The following LRP10 variants were observed in gnomAD, a reference collection of about 807,000 sequenced individuals.
LRP10 encodes low-density lipoprotein receptor-related protein 10.
In LRP10, 42 loss-of-function variants were observed where a neutral mutation model predicts 58.5. The observed-to-expected ratio is 0.72, with a 90% CI of 0.56 to 0.93. The LOEUF is 0.93. LRP10 is among the 40% of genes least tolerant of loss of function. The probability of loss-of-function intolerance (pLI) is 0.00; values close to 1 mark genes in which losing one functional copy is unlikely to be tolerated. For missense variants in LRP10, 872 were observed against 940.1 expected (o/e 0.93, Z 0.95); for synonymous variants, 377 against 388.5 (o/e 0.97, Z 0.35).
chr14:22,873,556 C>G (rs535872587), intron 3 of LRP10, 110 bp downstream of exon 3: 1 of 1,345,934 alleles, frequency 7.4e-7, no homozygotes, highest in South Asian at 1.5e-5. Flanking sequence ...CGGAGTTTCA[C>G]TCTTGTCACC....
Position 22,877,383 on chromosome 14 carries a change from G to C in LRP10, c.1998G>C (p.Leu666=). ...TGCGAGGCCGCCTGTTGCCCAGCCT[G>C]GGGCCCCCAGGACCAACCCGGAGCC... ...QALRGRLLPS[L]GPPGPTRSPP... is the part of the protein sequence containing the mutation. The change falls in exon 7 of 7, where the codon CTG becomes CTC. Residue 666 remains leucine, a synonymous_variant. Coordinates refer to ENST00000359591, the MANE Select transcript of LRP10 (RefSeq NM_014045.5). The surrounding 1 kb of genome is among the most constrained non-coding windows in gnomAD (Gnocchi z 5.1). 1 of 1,613,686 alleles carries C rather than the reference G, an allele frequency of 6.2e-7. No individual in the cohort carries two copies. Among genetic ancestry groups the C allele is most frequent in the Non-Finnish European group, 8.5e-7 (1 of 1,179,836 alleles).
At chr14:22,872,569 C>G (rs749854035) in intron 1 of LRP10, among the ~76,000 whole-genome samples, 169 bp from the exon 2 acceptor site, 2 of 151,914 alleles carry the variant, frequency 1.3e-5, no homozygotes, top group Admixed American at 6.6e-5. Flanking sequence ...GGCCCTGCTG[C>G]CGGACCTTCC....
rs1310361722 is a variant in LRP10 at position 22,878,245 on chromosome 14, A to G, written c.*718A>G. On this transcript the variant is annotated 3_prime_UTR_variant, in exon 7 of 7. Transcript: ENST00000359591. ...TGCACTCTTGATTTTTATACCACAC[A>G]GAAGGTAAGAAAATTCTAGGAACCC... The G allele has an allele frequency of 6.6e-6, 1 of 152,184 alleles. No homozygotes were observed. Among genetic ancestry groups the G allele is most frequent in the Non-Finnish European group, 1.5e-5 (1 of 68,068 alleles). 9.4% of individuals were successfully genotyped at this position (152,184 alleles called of 1,614,324 possible). A position where few individuals can be genotyped will look rare whatever the true frequency, so the allele number is the denominator to read the frequency against.
At chr14:22,876,492 A>C in intron 5 of LRP10, 120 bp downstream of exon 5, 2 of 1,376,844 alleles carry the variant, frequency 1.5e-6, no homozygotes, top group Non-Finnish European at 2.0e-6. Context: ...TCAGCTTGTC[A>C]GTTGTGTCCT....
At position 22,875,672 on chromosome 14, in the gene LRP10, G is replaced by A. The variant is rs759537307; in HGVS notation, c.724G>A (p.Gly242Ser). Residue 242 changes from glycine (G) to serine (S), a missense_variant, in exon 5 of 7, where the codon GGC becomes AGC. Coordinates refer to ENST00000359591, the MANE Select transcript of LRP10 (RefSeq NM_014045.5). ...LAVRFTALDL[G>S]FGDAVHVYDG... ...CGTGCGCTTCACAGCCCTGGACTTG[G>A]GCTTTGGAGATGCAGTGCATGTGTA... is the stretch of plus-strand genomic sequence containing the variant. 6.2e-7 allele frequency: 1 copy of A among 1,614,008 alleles called. No individual in the cohort carries two copies. The highest frequency in any genetic ancestry group is 8.5e-7 in the Non-Finnish European group (1 of 1,180,032).
Position 22,878,531 on chromosome 14 carries a change from CAG to C in LRP10, c.*1006_*1007del, listed in dbSNP as rs1397500348. 5 of 153,036 alleles carry C rather than the reference CAG, an allele frequency of 3.3e-5. No homozygotes were observed. The highest frequency in any genetic ancestry group is 1.2e-4 in the African/African-American group (5 of 41,432). The allele number at this position is 153,036 out of a possible 1,614,324, so 9.5% of individuals were successfully genotyped here. On this transcript the variant is annotated 3_prime_UTR_variant, in exon 7 of 7. Transcript: ENST00000359591. Reference sequence around the variant, plus strand: ...ATTTAGCAGTCTGTCCTATGCAAGACAGATGAATTCTCAGCCAGGATACCTCA... The same window carrying C: ...ATTTAGCAGTCTGTCCTATGCAAGACATGAATTCTCAGCCAGGATACCTCA...
At position 22,879,479 on chromosome 14, in the gene LRP10, C is replaced by T; in HGVS notation, c.*1952C>T. The stretch of plus-strand genomic sequence containing the variant: ...GCCTCTCCATAGCCTGGTCTTTTGC[C>T]CTCTCCTTTGCTCTTCTCTTCCCCC... On this transcript the variant is annotated 3_prime_UTR_variant, in exon 7 of 7. Coordinates refer to ENST00000359591, the MANE Select transcript of LRP10 (RefSeq NM_014045.5). 2 of 248,584 alleles carry T rather than the reference C, an allele frequency of 8.0e-6. No individual in the cohort carries two copies. The highest frequency in any genetic ancestry group is 8.3e-5 in the East Asian group (1 of 11,998). The allele number at this position is 248,584 out of a possible 1,614,324, so 15.4% of individuals were successfully genotyped here. A position where few individuals can be genotyped will look rare whatever the true frequency, so the allele number is the denominator to read the frequency against.
chr14:22,872,368 C>T, intron 1 of LRP10, 31 bp downstream of exon 1: 1 of 1,613,822 alleles, frequency 6.2e-7, no homozygotes. Flanking sequence ...AACCCCCAGC[C>T]TTCTGTCACC....
In LRP10 at chr14:22,875,936, C is replaced by T. The variant is rs750750000; in HGVS notation, c.988C>T (p.Arg330Cys). 2.0e-5 allele frequency: 33 copies of T among 1,613,590 alleles called. No individual in the cohort carries two copies. The highest frequency in any genetic ancestry group is 1.6e-4 in the Middle Eastern group (1 of 6,078). Residue 330 changes from arginine (R) to cysteine (C), a missense_variant, in exon 5 of 7, where the codon CGC becomes TGC. By Grantham distance (180) the Arg-to-Cys change is radical (BLOSUM62 -3). Transcript: ENST00000359591. The part of the protein sequence containing the change: ...GLGAGEGLGE[R>C]CYSEAQRCDG... ...GGGAGCTGGCGAAGGCCTAGGTGAG[C>T]GCTGCTACAGTGAGGCACAGCGCTG...
chr14:22,874,437 TACA>T (rs1187131647), intron 3 of LRP10, among the ~76,000 whole-genome samples: 3 of 152,304 alleles, frequency 2.0e-5, no homozygotes, highest in Non-Finnish European at 2.9e-5. Flanking sequence ...GTGACAGTGC[TACA>T]ACAACTGGAA....
In LRP10 at chr14:22,875,856, A is replaced by G. The variant is rs1566493227; in HGVS notation, c.908A>G (p.His303Arg). 1 of 1,613,966 alleles carries G rather than the reference A, an allele frequency of 6.2e-7. No homozygotes were observed. The highest frequency in any genetic ancestry group is 1.1e-5 in the South Asian group (1 of 91,086). Residue 303 changes from histidine to arginine, a missense_variant, in exon 5 of 7, where the codon CAT (histidine) becomes CGT (arginine). By Grantham distance (29) the His-to-Arg change is conservative. Transcript: ENST00000359591. The stretch of plus-strand genomic sequence containing the variant: ...GGTCGTGGCTTCAATGCCACCTACC[A>G]TGTGCGGGGCTATTGCTTGCCTTGG... ...SNGRGFNATY[H>R]VRGYCLPWDR...
chr14:22,881,699 A>G lies in LRP10; in HGVS notation c.*4172A>G, dbSNP rs1320735243. 6.6e-6 allele frequency: 1 copy of G among 152,250 alleles called. No individual in the cohort carries two copies. Among genetic ancestry groups the G allele is most frequent in the Admixed American group, 6.5e-5 (1 of 15,282 alleles). 9.4% of individuals were successfully genotyped at this position (152,250 alleles called of 1,614,324 possible). A position where few individuals can be genotyped will look rare whatever the true frequency, so the allele number is the denominator to read the frequency against. ...ACACGTTAAAATTGTGAATAAAAGT[A>G]AGTAAAAAGTAAAAGTAAGTAGGCC... On this transcript the variant is annotated 3_prime_UTR_variant, in exon 7 of 7. Coordinates refer to ENST00000359591, the MANE Select transcript of LRP10 (RefSeq NM_014045.5).
Position 22,879,050 on chromosome 14 carries a change from C to A in LRP10, c.*1523C>A. On this transcript the variant is annotated 3_prime_UTR_variant, in exon 7 of 7. Transcript: ENST00000359591. ...CAGGCTCTCCTTGTCTAGCCCCACA[C>A]CTGGCAGAGCCTGTCACCCAGCCTA... 1 of 376,878 alleles carries A rather than the reference C, an allele frequency of 2.7e-6. No homozygotes were observed. The highest frequency in any genetic ancestry group is 1.9e-5 in the South Asian group (1 of 54,004). The allele number at this position is 376,878 out of a possible 1,614,324, so 23.3% of individuals were successfully genotyped here.
intron 5 of LRP10, 116 bp from the exon 6 acceptor site, chr14:22,876,573 C>T (rs1021694887): frequency 6.8e-7 from 1 of 1,460,640 alleles, no homozygotes; most frequent in Non-Finnish European, 9.3e-7. Context: ...TTGGGAAAGC[C>T]ATGGCACAGC....
Position 22,879,625 on chromosome 14 carries a change from G to A in LRP10, c.*2098G>A, listed in dbSNP as rs1334850518. ...TTAAGGTAAACCTGCTCCTCATGGT[G>A]GAATGCTTCCAAATGCTGGAAGGAG... On this transcript the variant is annotated 3_prime_UTR_variant, in exon 7 of 7. Transcript: ENST00000359591. The A allele has an allele frequency of 6.1e-6, 1 of 163,776 alleles. No individual in the cohort carries two copies. The highest frequency in any genetic ancestry group is 1.3e-5 in the Non-Finnish European group (1 of 74,118). 10.1% of individuals were successfully genotyped at this position (163,776 alleles called of 1,614,324 possible).
intron 3 of LRP10, 55 bp downstream of exon 3, chr14:22,873,501 C>T: frequency 1.3e-6 from 2 of 1,571,824 alleles, no homozygotes; most frequent in African/African-American, 1.4e-5. Context: ...CCTTCCCCTC[C>T]ATTGGAAGTC....
Position 22,872,187 on chromosome 14 carries a change from T to C in LRP10, c.-117T>C. The stretch of plus-strand genomic sequence containing the variant: ...CAGAGTACGGGTCGAGCCCGGGCCA[T>C]GGAGCCCCCCTGGGGAGGCGGCACC... On this transcript the variant is annotated 5_prime_UTR_variant, in exon 1 of 7. The change abolishes an upstream ATG in the 5' untranslated region. Transcript: ENST00000359591. 9.3e-7 allele frequency: 1 copy of C among 1,077,430 alleles called. No individual in the cohort carries two copies. Among genetic ancestry groups the C allele is most frequent in the Non-Finnish European group, 1.4e-6 (1 of 695,886 alleles). The allele number at this position is 1,077,430 out of a possible 1,614,324, so 66.7% of individuals were successfully genotyped here.
chr14:22,875,069 A>T lies in LRP10; in HGVS notation c.230A>T (p.His77Leu), dbSNP rs1369137223. The change falls in exon 4 of 7, where the codon CAC becomes CTC. Residue 77 changes from histidine (H) to leucine (L), a missense_variant. Physicochemically the swap from His to Leu is moderately conservative, Grantham distance 99. Coordinates refer to ENST00000359591, the MANE Select transcript of LRP10 (RefSeq NM_014045.5). ...QTVTIRFQKL[H>L]LACGSERLTL... is the part of the protein sequence containing the mutation. ...TACTCCCATAGGTTCCAGAAGCTACACCTGGCCTGTGGCTCAGAGCGCTTA... is the reference window on the plus strand; with the variant it reads ...TACTCCCATAGGTTCCAGAAGCTACTCCTGGCCTGTGGCTCAGAGCGCTTA... 4 of 1,582,860 alleles carry T rather than the reference A, an allele frequency of 2.5e-6. 1 individual carries two copies. In the Admixed American group the frequency reaches 7.2e-5, roughly 28 times the overall value.
rs959612281 is a variant in LRP10, at chr14:22,878,799, G to A, written c.*1272G>A. The A allele has an allele frequency of 1.1e-5, 2 of 190,168 alleles. No homozygotes were observed. Among genetic ancestry groups the A allele is most frequent in the Admixed American group, 1.0e-4 (2 of 19,406 alleles). The allele number at this position is 190,168 out of a possible 1,614,324, so 11.8% of individuals were successfully genotyped here. On this transcript the variant is annotated 3_prime_UTR_variant, in exon 7 of 7. Transcript: ENST00000359591. ...AAAGACCCTGGGCCTGAGAGCACAA[G>A]CAGCGGCCAGAGCTGCAGCGCTGGG...
Sources: gnomAD v4.1 joint callset for allele counts (sites outside exome capture counted in the v4.1 genomes callset) on GRCh38, gnomAD v4.1.1 for gene constraint, Gnocchi (gnomAD v3.1) non-coding constraint, MANE v1.5 for transcripts, NCBI Gene and HGNC (gene_info 2026-07-23, HGNC 2026-07-21) for gene names.